The following KNTC1 variants were observed in gnomAD, a reference collection of about 807,000 sequenced individuals.
The protein encoded by KNTC1 is kinetochore associated 1, also known as kinetochore-associated protein 1.
Under a neutral mutation model 314.4 loss-of-function variants are expected in KNTC1, and 253 were observed. That is an observed-to-expected ratio of 0.80 (90% CI 0.73 to 0.89). The LOEUF is 0.89. KNTC1 is among the 40% of genes least tolerant of loss of function. The pLI is 0.00. For missense variants in KNTC1, 2,475 were observed against 2,572.9 expected (o/e 0.96, Z 0.82); for synonymous variants, 901 against 901.4 (o/e 1.00, Z 0.01).
At chr12:122,554,076 A>AAAAAAATATATATATATATAT (rs370146333) in intron 16 of KNTC1, among the ~76,000 whole-genome samples, 32 of 109,026 alleles carry the variant, frequency 2.9e-4, no homozygotes, top group African/African-American at 1.2e-3. Flanking sequence ...AAAAAAAAAA[A>AAAAAAATATATATATATATAT]ATATATATAT....
intron 52 of KNTC1, among the ~76,000 whole-genome samples, chr12:122,610,313 C>T (rs966452893): frequency 6.6e-6 from 1 of 152,160 alleles, no homozygotes; most frequent in African/African-American, 2.4e-5. Context: ...AAGGAAATCC[C>T]AAAAGGCTAC....
intron 1 of KNTC1, among the ~76,000 whole-genome samples, chr12:122,528,737 T>G (rs570848075): frequency 6.6e-6 from 1 of 152,354 alleles, no homozygotes; most frequent in African/African-American, 2.4e-5. Context: ...CTGTATACTT[T>G]AAATCATCTC....
chr12:122,544,581 C>G (rs911394644), intron 8 of KNTC1, among the ~76,000 whole-genome samples: 1 of 152,080 alleles, frequency 6.6e-6, no homozygotes, highest in African/African-American at 2.4e-5. Context: ...AATGGAAAAA[C>G]AGCACATTAT....
At chr12:122,567,250 A>C (rs1964409093) in intron 20 of KNTC1, among the ~76,000 whole-genome samples, 1 of 151,152 alleles carries the variant, frequency 6.6e-6, no homozygotes, top group Non-Finnish European at 1.5e-5. Flanking sequence ...TTGTATTTTT[A>C]ATAGAGACAG....
At chr12:122,614,196 G>A (rs539722346) in intron 55 of KNTC1, among the ~76,000 whole-genome samples, 12 of 152,302 alleles carry the variant, frequency 7.9e-5, no homozygotes, top group Middle Eastern at 3.4e-3. Flanking sequence ...CTGTCACAGC[G>A]TGTGGATGGA....
At chr12:122,570,538 A>G (rs1406880640) in intron 22 of KNTC1, among the ~76,000 whole-genome samples, 1 of 151,896 alleles carries the variant, frequency 6.6e-6, no homozygotes, top group Non-Finnish European at 1.5e-5. Context: ...AAAGAATAAG[A>G]CATACTATTT....
chr12:122,535,077 T>C (rs1184396583), intron 3 of KNTC1, among the ~76,000 whole-genome samples: 1 of 152,208 alleles, frequency 6.6e-6, no homozygotes, highest in Non-Finnish European at 1.5e-5. Context: ...CTCATTTGTG[T>C]TCAAATTCCT....
At chr12:122,562,516 A>G in intron 19 of KNTC1, 122 bp from the exon 20 acceptor site, 1 of 633,274 alleles carries the variant, frequency 1.6e-6, no homozygotes, top group Non-Finnish European at 2.9e-6. Context: ...ATGGGAATTG[A>G]GTTGTGATGT....
At chr12:122,615,661 C>A in intron 57 of KNTC1, 135 bp downstream of exon 57, 1 of 802,178 alleles carries the variant, frequency 1.2e-6, no homozygotes, top group Non-Finnish European at 1.8e-6. Flanking sequence ...GTGGCTCACT[C>A]CTGTAACCCC....
At position 122,544,209 on chromosome 12, in the gene KNTC1, T is replaced by C. The variant is rs771221010; in HGVS notation, c.609T>C (p.Thr203=). 35 of 1,586,214 alleles carry C rather than the reference T, an allele frequency of 2.2e-5. No individual in the cohort carries two copies. Among genetic ancestry groups the C allele is most frequent in the Non-Finnish European group, 2.8e-5 (33 of 1,171,358 alleles). ...SSFISTENYH[T]LGCLSLVAGD... ...TTATTTCTACTGAAAATTATCATACTCTTGGTTGTCTCAGTCTTGTGGCTG... is the reference window on the plus strand; with the variant it reads ...TTATTTCTACTGAAAATTATCATACCCTTGGTTGTCTCAGTCTTGTGGCTG... The change falls in exon 8 of 64, where the codon ACT becomes ACC. Residue 203 remains threonine, a synonymous_variant. Coordinates refer to ENST00000333479, the MANE Select transcript of KNTC1 (RefSeq NM_014708.6).
At chr12:122,616,994 A>AT (rs761200044) in intron 57 of KNTC1, among the ~76,000 whole-genome samples, 30 of 152,182 alleles carry the variant, frequency 2.0e-4, no homozygotes, top group Admixed American at 3.9e-4. Context: ...ACTATGTGGG[A>AT]TTTTGTGTCC....
At chr12:122,550,023 G>C (rs1250778816) in intron 13 of KNTC1, among the ~76,000 whole-genome samples, 159 bp downstream of exon 13, 5 of 151,804 alleles carry the variant, frequency 3.3e-5, no homozygotes, top group African/African-American at 1.2e-4. Flanking sequence ...TTTATTAATA[G>C]AGATCCTCAA....
At chr12:122,549,472 C>CCCCAGTAGCTGTGATTAT (rs1963036722) in intron 12 of KNTC1, among the ~76,000 whole-genome samples, 1 of 152,180 alleles carries the variant, frequency 6.6e-6, no homozygotes, top group Non-Finnish European at 1.5e-5. Context: ...GCCTCAGCCT[C>CCCCAGTAGCTGTGATTAT]CCCAGTAGCT....
At chr12:122,537,574 A>G (rs149303164) in intron 3 of KNTC1, among the ~76,000 whole-genome samples, 1,608 of 151,932 alleles carry the variant, frequency 0.011, 27 homozygotes, top group African/African-American at 0.037. Flanking sequence ...ACATGCCACC[A>G]TGTCCGGCTA....
At chr12:122,599,222 T>A (rs1871491063) in intron 44 of KNTC1, among the ~76,000 whole-genome samples, 1 of 152,132 alleles carries the variant, frequency 6.6e-6, no homozygotes, top group Non-Finnish European at 1.5e-5. Context: ...CTGTTCAGCC[T>A]CCTGAGTAGC....
intron 43 of KNTC1, among the ~76,000 whole-genome samples, chr12:122,594,633 A>G (rs558225195): frequency 4.6e-5 from 7 of 152,310 alleles, no homozygotes; most frequent in East Asian, 1.9e-4. Flanking sequence ...TTTCAAATGC[A>G]GGTTTCTGGG....
chr12:122,617,862 A>T (rs952607248), intron 57 of KNTC1, among the ~76,000 whole-genome samples: 1 of 152,176 alleles, frequency 6.6e-6, no homozygotes, highest in Non-Finnish European at 1.5e-5. Context: ...CGATTTATCT[A>T]ATTTTTTTGT....
chr12:122,549,488 T>C (rs1192313430), intron 12 of KNTC1, among the ~76,000 whole-genome samples: 1 of 152,138 alleles, frequency 6.6e-6, no homozygotes, highest in East Asian at 1.9e-4. Context: ...TAGCTGTGAT[T>C]ATCCCAGTAG....
At chr12:122,549,893 T>C (rs1030950761) in intron 13 of KNTC1, 29 bp downstream of exon 13, 8 of 1,208,062 alleles carry the variant, frequency 6.6e-6, no homozygotes, top group Non-Finnish European at 8.3e-6. Context: ...TAAAGTATTC[T>C]TTTAACTACT....
Sources: allele counts gnomAD v4.1 joint callset (sites outside exome capture counted in the v4.1 genomes callset), GRCh38; gene constraint gnomAD v4.1.1; transcripts MANE v1.5; gene names NCBI Gene and HGNC (gene_info 2026-07-23, HGNC 2026-07-21).